Variants in GUCY1B1 observed in about 807,000 individuals in gnomAD.
GUCY1B1 encodes the protein guanylate cyclase soluble subunit beta-1.
GUCY1B1 carries 43 observed loss-of-function variants against 71.0 expected under a neutral mutation model. The ratio of observed to expected loss-of-function variants is 0.61; its 90% CI spans 0.47 to 0.78. The LOEUF is 0.78. GUCY1B1 is among the 30% of genes least tolerant of loss of function. The pLI, the probability that GUCY1B1 is intolerant of heterozygous loss-of-function variation, is 0.00. For missense variants in GUCY1B1, 535 were observed against 754.1 expected, an observed-to-expected ratio of 0.71 and a Z score of 3.40; for synonymous variants, 266 against 259.7, an observed-to-expected ratio of 1.02 and a Z score of -0.23.
At chr4:155,800,151 G>A (rs896923297) in intron 9 of GUCY1B1, 77 bp downstream of exon 9, 11 of 955,918 alleles carry the variant, frequency 1.2e-5, no homozygotes, top group Admixed American at 8.7e-5. Flanking sequence ...TTGAGAACCA[G>A]ACTAAAAAGC....
intron 10 of GUCY1B1, among the ~76,000 whole-genome samples, chr4:155,803,051 A>T (rs761162564): frequency 6.6e-6 from 1 of 152,206 alleles, no homozygotes; most frequent in Non-Finnish European, 1.5e-5. Flanking sequence ...CCTTTGTTTC[A>T]TTTAGAAATA....
At chr4:155,796,901 C>A (rs1739595008) in intron 8 of GUCY1B1, among the ~76,000 whole-genome samples, 1 of 152,120 alleles carries the variant, frequency 6.6e-6, no homozygotes, top group Non-Finnish European at 1.5e-5. Context: ...CAAAAATTAT[C>A]TTTTCTATAG....
At chr4:155,763,551 A>AGGGG (rs1560998660) in intron 2 of GUCY1B1, among the ~76,000 whole-genome samples, 1 of 152,046 alleles carries the variant, frequency 6.6e-6, no homozygotes, top group African/African-American at 2.4e-5. Flanking sequence ...CCTTCAAAAA[A>AGGGG]AAAATTCTAG....
intron 3 of GUCY1B1, 44 bp downstream of exon 3, chr4:155,775,112 G>A: frequency 1.0e-6 from 1 of 953,518 alleles, no homozygotes; most frequent in Non-Finnish European, 1.7e-6. Flanking sequence ...GTTACACGTA[G>A]AAGCTCACAG....
chr4:155,805,547 GA>G (rs1740258095), intron 13 of GUCY1B1, among the ~76,000 whole-genome samples: 1 of 152,116 alleles, frequency 6.6e-6, no homozygotes, highest in Non-Finnish European at 1.5e-5. Flanking sequence ...AGTGGGCTGT[GA>G]GGGGCTCCCC....
At chr4:155,763,883 A>G (rs1052455912) in intron 2 of GUCY1B1, among the ~76,000 whole-genome samples, 4 of 152,210 alleles carry the variant, frequency 2.6e-5, no homozygotes, top group African/African-American at 9.7e-5. Context: ...ATAGCTTAAT[A>G]AATGATGATT....
chr4:155,800,141 T>A, intron 9 of GUCY1B1, 67 bp downstream of exon 9: 1 of 1,088,406 alleles, frequency 9.2e-7, no homozygotes, highest in Non-Finnish European at 1.3e-6. Context: ...ATATTTAAGT[T>A]TGAGAACCAG....
chr4:155,805,519 T>G (rs1036131885), intron 13 of GUCY1B1, among the ~76,000 whole-genome samples: 1 of 152,132 alleles, frequency 6.6e-6, no homozygotes, highest in Admixed American at 6.5e-5. Flanking sequence ...TCTTCCTCTG[T>G]AGTCTGGCTC....
Position 155,802,593 on chromosome 4 carries a change from A to G in GUCY1B1, c.1413+14A>G, listed in dbSNP as rs1740034098. ...TTTGTTTATAAGGCAAGTGTTCTTTATCGCTGACTGCAGAGCTATCCAGAG... is the reference window on the plus strand; with the variant it reads ...TTTGTTTATAAGGCAAGTGTTCTTTGTCGCTGACTGCAGAGCTATCCAGAG... On this transcript the variant is annotated intron_variant, in intron 10 of 13. Transcript: ENST00000264424. The surrounding 1 kb of genome is among the most constrained non-coding windows in gnomAD (Gnocchi z 4.3). 1.9e-6 allele frequency: 3 copies of G among 1,556,082 alleles called. No homozygotes were observed. The highest frequency in any genetic ancestry group is 2.6e-6 in the Non-Finnish European group (3 of 1,151,274).
chr4:155,796,426 G>A lies in GUCY1B1; in HGVS notation c.893G>A (p.Gly298Glu), dbSNP rs1739558796. The A allele has an allele frequency of 6.2e-7, 1 of 1,612,468 alleles. No individual in the cohort carries two copies. Among genetic ancestry groups the A allele is most frequent in the Non-Finnish European group, 8.5e-7 (1 of 1,178,776 alleles). ...TTAGAATGTGAGGATGAACTGACTGGGACTGAGATCAGCTGCTTACGTCTC... is the reference window on the plus strand; with the variant it reads ...TTAGAATGTGAGGATGAACTGACTGAGACTGAGATCAGCTGCTTACGTCTC... Reference protein sequence around the residue: ...EKLECEDELTGTEISCLRLKG... With the variant: ...EKLECEDELTETEISCLRLKG... Residue 298 changes from glycine (G) to glutamate (E), a missense_variant, in exon 8 of 14, where the codon GGG becomes GAG. Transcript: ENST00000264424.
rs1188369448 is a variant in GUCY1B1 at position 155,806,806 on chromosome 4, G to A, written c.*397G>A. The A allele has an allele frequency of 5.7e-6, 1 of 174,972 alleles. No individual in the cohort carries two copies. The highest frequency in any genetic ancestry group is 2.4e-5 in the African/African-American group (1 of 42,170). The allele number at this position is 174,972 out of a possible 1,614,324, so 10.8% of individuals were successfully genotyped here. The stretch of plus-strand genomic sequence containing the variant: ...ATCATGTTTACCAAATCTGTTTAGT[G>A]TTCCACATATATGTATATGTATATT... On this transcript the variant is annotated 3_prime_UTR_variant, in exon 14 of 14. Coordinates refer to ENST00000264424, the MANE Select transcript of GUCY1B1 (RefSeq NM_000857.5).
At position 155,804,636 on chromosome 4, in the gene GUCY1B1, T is replaced by C; in HGVS notation, c.1598T>C (p.Ile533Thr). The part of the protein sequence containing the change: ...IHTGEVVTGV[I>T]GQRMPRYCLF... Reference sequence around the variant, plus strand: ...ACTGGAGAGGTAGTTACAGGTGTCATAGGACAGCGGATGCCTCGATACTGT... The same window carrying C: ...ACTGGAGAGGTAGTTACAGGTGTCACAGGACAGCGGATGCCTCGATACTGT... The change falls in exon 12 of 14, where the codon ATA (isoleucine) becomes ACA (threonine). Residue 533 changes from isoleucine (I) to threonine (T), a missense_variant. Coordinates refer to ENST00000264424, the MANE Select transcript of GUCY1B1 (RefSeq NM_000857.5). 1 of 1,612,518 alleles carries C rather than the reference T, an allele frequency of 6.2e-7. No homozygotes were observed. The highest frequency in any genetic ancestry group is 8.5e-7 in the Non-Finnish European group (1 of 1,178,614).
chr4:155,767,257 A>G (rs965117397), intron 2 of GUCY1B1, among the ~76,000 whole-genome samples: 5 of 152,174 alleles, frequency 3.3e-5, no homozygotes, highest in Admixed American at 6.5e-5. Flanking sequence ...ATGTTCAAGC[A>G]TGCGTACAGG....
In GUCY1B1 at chr4:155,805,189, T is replaced by C. The variant is rs1357870832; in HGVS notation, c.1796T>C (p.Met599Thr). The change falls in exon 13 of 14, where the codon ATG becomes ACG. Residue 599 changes from methionine to threonine, a missense_variant. By Grantham distance (81) the Met-to-Thr change is moderately conservative (BLOSUM62 -1). Coordinates refer to ENST00000264424, the MANE Select transcript of GUCY1B1 (RefSeq NM_000857.5). ...PVSMKGKKEP[M>T]QVWFLSRKNT... is the part of the protein sequence containing the mutation. ...TCCATGAAGGGCAAAAAAGAACCAA[T>C]GCAAGTTTGGTTTCTATCCAGAAAA... 1.2e-6 allele frequency: 2 copies of C among 1,611,258 alleles called. No homozygotes were observed.
rs35462860 is a variant in GUCY1B1 at position 155,768,456 on chromosome 4, G to GT, written c.78-6494dup. ...GTTAGTAATGTTTGATTACTTGTTTGTTTTTTTTTTTTTTTTTTGTAGGGA... is the reference window on the plus strand; with the variant it reads ...GTTAGTAATGTTTGATTACTTGTTTGTTTTTTTTTTTTTTTTTTTGTAGGGA... On this transcript the variant is annotated intron_variant, in intron 2 of 13. Transcript: ENST00000264424. Among the ~76,000 whole-genome samples the GT allele has an allele frequency of 2.6e-3, 332 of 128,588 alleles. 2 individuals are homozygous for GT. The highest frequency in any genetic ancestry group is 0.011 in the East Asian group (47 of 4,180). The allele number at this position is 128,588 out of a possible 152,430, so 84.4% of individuals were successfully genotyped here. A position where few individuals can be genotyped will look rare whatever the true frequency, so the allele number is the denominator to read the frequency against.
chr4:155,806,757 G>T lies in GUCY1B1; in HGVS notation c.*348G>T. 8.3e-6 allele frequency: 2 copies of T among 241,324 alleles called. No individual in the cohort carries two copies. The allele number at this position is 241,324 out of a possible 1,614,324, so 14.9% of individuals were successfully genotyped here. ...GAATTTAGTTAAATGAAACTGAACAGTGTTTGGCCATGTGTATATTTATAT... is the reference window on the plus strand; with the variant it reads ...GAATTTAGTTAAATGAAACTGAACATTGTTTGGCCATGTGTATATTTATAT... On this transcript the variant is annotated 3_prime_UTR_variant, in exon 14 of 14. Transcript: ENST00000264424.
In GUCY1B1 at chr4:155,759,139, C is replaced by T. The variant is rs772695546; in HGVS notation, c.-2C>T. 3.3e-5 allele frequency: 52 copies of T among 1,591,682 alleles called. No individual in the cohort carries two copies. Among genetic ancestry groups the T allele is most frequent in the Non-Finnish European group, 4.0e-5 (47 of 1,170,006 alleles). ...GCCTCCCCGGCTCCCGGTGCAGACA[C>T]CATGGTAAGTGCTCTCAGCCGGGTG... On this transcript the variant is annotated 5_prime_UTR_variant, in exon 1 of 14. Transcript: ENST00000264424.
chr4:155,759,897 G>T (rs1560995243), intron 2 of GUCY1B1, 37 bp downstream of exon 2: 1 of 1,524,160 alleles, frequency 6.6e-7, no homozygotes, highest in Non-Finnish European at 9.1e-7. Context: ...GCCCAGGTCG[G>T]CGCCCAGTGT....
At chr4:155,763,891 A>AT (rs533417712) in intron 2 of GUCY1B1, among the ~76,000 whole-genome samples, 53 of 151,804 alleles carry the variant, frequency 3.5e-4, no homozygotes, top group East Asian at 2.1e-3. Flanking sequence ...ATAAATGATG[A>AT]TTTTTTTTTA....
Sources: gnomAD v4.1 joint callset for allele counts (sites outside exome capture counted in the v4.1 genomes callset) on GRCh38, gnomAD v4.1.1 for gene constraint, Gnocchi (gnomAD v3.1) non-coding constraint, MANE v1.5 for transcripts, NCBI Gene and HGNC (gene_info 2026-07-23, HGNC 2026-07-21) for gene names.